Variants in ANKS1B observed in about 807,000 individuals in gnomAD.
ANKS1B encodes ankyrin repeat and sterile alpha motif domain containing 1B, also known as ankyrin repeat and sterile alpha motif domain-containing protein 1B.
In ANKS1B, 36 loss-of-function variants were observed where a neutral mutation model predicts 148.3. That is an observed-to-expected ratio of 0.24 (90% CI 0.19 to 0.32). ANKS1B has a LOEUF of 0.32. Ranked by LOEUF, ANKS1B falls within the 10% of genes least tolerant of loss-of-function variation. The probability of loss-of-function intolerance (pLI) is 1.00; values close to 1 mark genes in which losing one functional copy is unlikely to be tolerated. For missense variants in ANKS1B, 1,157 were observed against 1,542.6 expected, an observed-to-expected ratio of 0.75 and a Z score of 4.19; for synonymous variants, 542 against 560.8, an observed-to-expected ratio of 0.97 and a Z score of 0.47.
chr12:98,979,660 C>T (rs971091581), intron 17 of ANKS1B, among the ~76,000 whole-genome samples: 11 of 115,970 alleles, frequency 9.5e-5, no homozygotes, highest in African/African-American at 4.7e-4. Context: ...TCTCTGGATG[C>T]TTTTAGATTT....
intron 10 of ANKS1B, among the ~76,000 whole-genome samples, chr12:99,467,289 G>A (rs4508292): frequency 2.0e-5 from 3 of 151,866 alleles, no homozygotes; most frequent in Non-Finnish European, 4.4e-5. Flanking sequence ...GGGTTGTATC[G>A]CAAAATAATA....
intron 11 of ANKS1B, among the ~76,000 whole-genome samples, chr12:99,400,825 T>G (rs2094384397): frequency 6.9e-6 from 1 of 145,366 alleles, no homozygotes. Context: ...ACTAATGTTT[T>G]TATTACCCTT....
intron 12 of ANKS1B, among the ~76,000 whole-genome samples, chr12:99,262,632 A>G (rs1338440082): frequency 1.3e-5 from 2 of 151,988 alleles, no homozygotes; most frequent in Non-Finnish European, 2.9e-5. Flanking sequence ...TATGGACATT[A>G]TTTTCCCCCA....
chr12:99,154,234 C>T (rs1206539078), intron 15 of ANKS1B, 55 bp downstream of exon 15: 10 of 1,603,644 alleles, frequency 6.2e-6, no homozygotes, highest in East Asian at 2.2e-5. Context: ...ATGTAAGACA[C>T]ATAAGAAGCA....
intron 9 of ANKS1B, among the ~76,000 whole-genome samples, chr12:99,514,027 T>C (rs1174499995): frequency 2.0e-5 from 3 of 152,048 alleles, no homozygotes; most frequent in East Asian, 1.9e-4. Flanking sequence ...AATGATTTCA[T>C]TAAATACATT....
intron 11 of ANKS1B, among the ~76,000 whole-genome samples, chr12:99,438,351 G>A (rs114412986): frequency 0.014 from 2,195 of 151,700 alleles, 55 homozygotes; most frequent in South Asian, 0.041. Flanking sequence ...TGAATTTTAC[G>A]AATGAGAATA....
At chr12:99,734,825 T>G (rs946696148) in intron 8 of ANKS1B, among the ~76,000 whole-genome samples, 3 of 152,202 alleles carry the variant, frequency 2.0e-5, no homozygotes, top group African/African-American at 7.2e-5. Context: ...GTTTCCAAAT[T>G]GCCCAAGTCA....
chr12:99,418,358 T>C (rs927257533), intron 11 of ANKS1B, among the ~76,000 whole-genome samples: 3 of 152,346 alleles, frequency 2.0e-5, no homozygotes, highest in Middle Eastern at 3.4e-3. Context: ...GATTTATATC[T>C]AATTATTATT....
At chr12:99,258,405 T>G (rs2075539236) in intron 12 of ANKS1B, among the ~76,000 whole-genome samples, 1 of 151,978 alleles carries the variant, frequency 6.6e-6, no homozygotes, top group African/African-American at 2.4e-5. Flanking sequence ...TTGAAAGAAT[T>G]CCAAGTAGTC....
intron 12 of ANKS1B, among the ~76,000 whole-genome samples, chr12:99,259,515 T>C (rs1378802629): frequency 6.6e-6 from 1 of 152,190 alleles, no homozygotes; most frequent in Non-Finnish European, 1.5e-5. Flanking sequence ...GCTGTTTGAC[T>C]CTGATTTCAA....
chr12:99,396,577 G>C (rs1263835722), intron 12 of ANKS1B, among the ~76,000 whole-genome samples: 1 of 152,116 alleles, frequency 6.6e-6, no homozygotes, highest in Admixed American at 6.6e-5. Context: ...GGTCAGACCT[G>C]AAAATATCCT....
intron 17 of ANKS1B, among the ~76,000 whole-genome samples, chr12:99,010,384 T>C (rs1324709527): frequency 6.6e-6 from 1 of 152,166 alleles, no homozygotes; most frequent in African/African-American, 2.4e-5. Context: ...TAAATGCTAG[T>C]TGTTATTAGT....
chr12:99,064,125 G>A (rs1277101461), intron 16 of ANKS1B, among the ~76,000 whole-genome samples: 1 of 152,130 alleles, frequency 6.6e-6, no homozygotes, highest in African/African-American at 2.4e-5. Context: ...CCCAGCTGTA[G>A]GCATAAGGCA....
chr12:99,852,636 C>G (rs1401232356), intron 1 of ANKS1B, among the ~76,000 whole-genome samples: 1 of 152,276 alleles, frequency 6.6e-6, no homozygotes, highest in African/African-American at 2.4e-5. Context: ...ATGTACAGAG[C>G]AGCATGTGGA....
intron 9 of ANKS1B, among the ~76,000 whole-genome samples, chr12:99,581,030 TTC>T (rs1207939895): frequency 6.6e-6 from 1 of 152,172 alleles, no homozygotes; most frequent in African/African-American, 2.4e-5. Context: ...TTTCTATAAT[TTC>T]TATATATTAT....
At chr12:99,654,682 A>G (rs550921789) in intron 9 of ANKS1B, among the ~76,000 whole-genome samples, 1 of 152,230 alleles carries the variant, frequency 6.6e-6, no homozygotes, top group South Asian at 2.1e-4. Context: ...GATGTGAAAA[A>G]TATAATCACT....
At chr12:99,284,561 T>C (rs923985962) in intron 12 of ANKS1B, among the ~76,000 whole-genome samples, 5 of 152,246 alleles carry the variant, frequency 3.3e-5, no homozygotes, top group Admixed American at 3.3e-4. Context: ...CCTCCATTTC[T>C]ACTCCTGCCA....
chr12:99,500,817 A>G (rs1332740626), intron 10 of ANKS1B, among the ~76,000 whole-genome samples: 2 of 152,126 alleles, frequency 1.3e-5, no homozygotes, highest in Non-Finnish European at 2.9e-5. Context: ...CTCCTCAAAT[A>G]TATTATATTT....
intron 17 of ANKS1B, among the ~76,000 whole-genome samples, chr12:99,042,135 T>G (rs916265868): frequency 2.0e-5 from 3 of 152,178 alleles, no homozygotes; most frequent in African/African-American, 7.2e-5. Flanking sequence ...CCTTCCCTAC[T>G]CTCAAGCTAT....
Sources: allele counts gnomAD v4.1 joint callset (sites outside exome capture counted in the v4.1 genomes callset), GRCh38; gene constraint gnomAD v4.1.1; transcripts MANE v1.5; gene names NCBI Gene and HGNC (gene_info 2026-07-23, HGNC 2026-07-21).